ADAMTS12: variants seen among roughly 807,000 people sequenced by gnomAD.
The protein encoded by ADAMTS12 is A disintegrin and metalloproteinase with thrombospondin motifs 12.
A neutral mutation model predicts 167.8 loss-of-function variants in ADAMTS12; 118 were observed. That is an observed-to-expected ratio of 0.70 (90% CI 0.61 to 0.82). The LOEUF is 0.82. Ranked by LOEUF, ADAMTS12 falls within the 40% of genes least tolerant of loss-of-function variation. The pLI is 0.00. For synonymous variants in ADAMTS12, 704 were observed against 716.9 expected (o/e 0.98, Z 0.29); for missense variants, 1,916 against 1,998.8 (o/e 0.96, Z 0.79).
intron 12 of ADAMTS12, among the ~76,000 whole-genome samples, chr5:33,633,877 T>A (rs970214241): frequency 2.6e-5 from 4 of 152,076 alleles, no homozygotes; most frequent in East Asian, 1.9e-4. Context: ...TTTTTTAGGG[T>A]CATGTGATTT....
At chr5:33,872,828 CA>C (rs34688903) in intron 2 of ADAMTS12, among the ~76,000 whole-genome samples, 4,533 of 152,212 alleles carry the variant, frequency 0.03, 190 homozygotes, top group East Asian at 0.2. Flanking sequence ...ATGACACTGA[CA>C]GGCTAAAGAA....
At chr5:33,605,091 G>A (rs568320927) in intron 16 of ADAMTS12, among the ~76,000 whole-genome samples, 1 of 152,220 alleles carries the variant, frequency 6.6e-6, no homozygotes, top group Non-Finnish European at 1.5e-5. Flanking sequence ...GTTCTTTGTC[G>A]CAGTGAATGA....
At chr5:33,568,947 GT>G (rs1561132121) in intron 19 of ADAMTS12, among the ~76,000 whole-genome samples, 2 of 152,260 alleles carry the variant, frequency 1.3e-5, no homozygotes, top group Non-Finnish European at 2.9e-5. Flanking sequence ...ATTATATCCC[GT>G]ACCTGCCTTG....
chr5:33,588,960 G>C, intron 17 of ADAMTS12, 151 bp from the exon 18 acceptor site: 1 of 909,670 alleles, frequency 1.1e-6, no homozygotes, highest in Non-Finnish European at 1.7e-6. Flanking sequence ...CTGCAGACAG[G>C]GCCACCGTGT....
At chr5:33,594,015 A>G (rs1032947115) in intron 17 of ADAMTS12, among the ~76,000 whole-genome samples, 5 of 152,232 alleles carry the variant, frequency 3.3e-5, no homozygotes, top group African/African-American at 9.6e-5. Flanking sequence ...ATAAATAAAA[A>G]GCACTTTTGT....
intron 3 of ADAMTS12, among the ~76,000 whole-genome samples, chr5:33,727,308 A>G (rs1055506613): frequency 1.3e-5 from 2 of 151,374 alleles, no homozygotes; most frequent in African/African-American, 4.9e-5. Context: ...GTTATTCAAG[A>G]GAGGGTCCAT....
intron 14 of ADAMTS12, among the ~76,000 whole-genome samples, chr5:33,618,037 G>T (rs74710969): frequency 0.033 from 4,996 of 152,234 alleles, 283 homozygotes; most frequent in African/African-American, 0.11. Flanking sequence ...TATAATTTTT[G>T]ACTATCTCCA....
At chr5:33,583,845 G>A (rs192883319) in intron 18 of ADAMTS12, among the ~76,000 whole-genome samples, 16 of 152,020 alleles carry the variant, frequency 1.1e-4, no homozygotes, top group Non-Finnish European at 1.8e-4. Flanking sequence ...TTTTTCCTGC[G>A]CTTTTGAAGT....
intron 5 of ADAMTS12, among the ~76,000 whole-genome samples, chr5:33,664,739 G>C (rs1211842558): frequency 8.6e-5 from 13 of 152,010 alleles, no homozygotes; most frequent in Non-Finnish European, 1.8e-4. Context: ...ACAGCATGGA[G>C]GTTTCTCAAA....
rs144317535 is a variant in ADAMTS12, at chr5:33,704,582, A to G, written c.635-20527T>C. Among the ~76,000 whole-genome samples, 638 of 152,170 alleles carry G rather than the reference A, an allele frequency of 4.2e-3. 9 individuals are homozygous for G. The highest frequency in any genetic ancestry group is 0.015 in the African/African-American group (603 of 41,512). ...ATGTCTTATTGTGGTTTTGCTTTGC[A>G]TCTCCCTTATGATTAGTAAAGTTGA... is the stretch of plus-strand genomic sequence containing the variant. On this transcript the variant is annotated intron_variant, in intron 3 of 23. Transcript: ENST00000504830.
chr5:33,664,960 T>C (rs1741415684), intron 5 of ADAMTS12, among the ~76,000 whole-genome samples: 2 of 152,096 alleles, frequency 1.3e-5, no homozygotes, highest in South Asian at 2.1e-4. Context: ...ATTATATATA[T>C]ATGGAACAAA....
intron 3 of ADAMTS12, among the ~76,000 whole-genome samples, chr5:33,746,166 G>A (rs958666893): frequency 3.3e-5 from 5 of 152,186 alleles, no homozygotes; most frequent in Non-Finnish European, 5.9e-5. Context: ...TTCAAGACAA[G>A]ACTCAGGCAG....
rs1738877391 is a variant in ADAMTS12 at position 33,614,335 on chromosome 5, G to A, written c.2430C>T (p.Tyr810=). ...QVTNPGIKYE[Y]TIQKDGLDND... ...TGTCAAGGCCATCTTTCTGGATTGT[G>A]TACTCATACTTGATGCCAGGGTTAG... Residue 810 remains tyrosine, a synonymous_variant, in exon 16 of 24, where the codon TAC becomes TAT. Coordinates refer to ENST00000504830, the MANE Select transcript of ADAMTS12 (RefSeq NM_030955.4). 1 of 1,614,004 alleles carries A rather than the reference G, an allele frequency of 6.2e-7. No individual in the cohort carries two copies. The highest frequency in any genetic ancestry group is 8.5e-7 in the Non-Finnish European group (1 of 1,179,990).
intron 2 of ADAMTS12, among the ~76,000 whole-genome samples, chr5:33,782,579 A>G (rs1476607496): frequency 1.3e-5 from 2 of 152,130 alleles, no homozygotes; most frequent in African/African-American, 4.8e-5. Context: ...GAATAGTTGA[A>G]AGTGAAAGAA....
intron 2 of ADAMTS12, among the ~76,000 whole-genome samples, chr5:33,837,220 A>G (rs1748565815): frequency 6.6e-6 from 1 of 152,230 alleles, no homozygotes; most frequent in African/African-American, 2.4e-5. Context: ...GAGTGGACAG[A>G]CAGGACTTGA....
intron 18 of ADAMTS12, among the ~76,000 whole-genome samples, chr5:33,584,598 A>T (rs961710859): frequency 6.6e-6 from 1 of 152,222 alleles, no homozygotes; most frequent in Admixed American, 6.5e-5. Context: ...TTCTTGTCTG[A>T]TAATAATTTA....
intron 3 of ADAMTS12, among the ~76,000 whole-genome samples, chr5:33,690,585 A>G (rs1299987023): frequency 6.6e-6 from 1 of 152,138 alleles, no homozygotes; most frequent in Non-Finnish European, 1.5e-5. Context: ...GGGACACATG[A>G]CTCTTCCCAA....
chr5:33,741,317 G>C (rs187914129), intron 3 of ADAMTS12, among the ~76,000 whole-genome samples: 246 of 152,276 alleles, frequency 1.6e-3, no homozygotes, highest in Non-Finnish European at 2.8e-3. Flanking sequence ...GGTTTCTCCT[G>C]AGGCCTCTCT....
chr5:33,885,640 T>A (rs1322795540), intron 1 of ADAMTS12, among the ~76,000 whole-genome samples: 1 of 152,198 alleles, frequency 6.6e-6, no homozygotes, highest in Admixed American at 6.5e-5. Context: ...TGCCCCATGA[T>A]ACAAGGCAGT....
Sources: gnomAD v4.1 joint callset for allele counts (sites outside exome capture counted in the v4.1 genomes callset) on GRCh38, gnomAD v4.1.1 for gene constraint, MANE v1.5 for transcripts, NCBI Gene and HGNC (gene_info 2026-07-23, HGNC 2026-07-21) for gene names.